Variants in SBF2 observed in about 807,000 individuals in gnomAD.
The protein encoded by SBF2 is myotubularin-related protein 13.
In SBF2, 112 loss-of-function variants were observed where a neutral mutation model predicts 225.2. The ratio of observed to expected loss-of-function variants is 0.50; its 90% CI spans 0.43 to 0.58. SBF2 has a LOEUF of 0.58. Ranked by LOEUF, SBF2 falls within the 20% of genes least tolerant of loss-of-function variation. The pLI, the probability that SBF2 is intolerant of heterozygous loss-of-function variation, is 0.00. For synonymous variants in SBF2, 763 were observed against 773.3 expected, an observed-to-expected ratio of 0.99 and a Z score of 0.22; for missense variants, 1,996 against 2,206.2, an observed-to-expected ratio of 0.90 and a Z score of 1.91.
At chr11:10,120,985 C>T (rs1953416527) in intron 2 of SBF2, among the ~76,000 whole-genome samples, 1 of 152,068 alleles carries the variant, frequency 6.6e-6, no homozygotes, top group South Asian at 2.1e-4. Flanking sequence ...AGGCTGGTCT[C>T]GAACTCCTGT....
intron 19 of SBF2, among the ~76,000 whole-genome samples, chr11:9,855,961 G>T (rs1857284709): frequency 6.6e-6 from 1 of 152,192 alleles, no homozygotes; most frequent in South Asian, 2.1e-4. Flanking sequence ...GGAAATAGGG[G>T]GTCAGAGCAG....
At chr11:10,211,866 C>A (rs1957954606) in intron 1 of SBF2, among the ~76,000 whole-genome samples, 1 of 152,192 alleles carries the variant, frequency 6.6e-6, no homozygotes, top group African/African-American at 2.4e-5. Context: ...CTGTTTCTAG[C>A]AAGTGCCTGT....
intron 1 of SBF2, among the ~76,000 whole-genome samples, chr11:10,201,805 G>A (rs1957579180): frequency 6.6e-6 from 1 of 152,148 alleles, no homozygotes; most frequent in South Asian, 2.1e-4. Flanking sequence ...AGACCAGCCT[G>A]GCCAACATGG....
At chr11:10,151,360 T>A (rs1955180227) in intron 2 of SBF2, among the ~76,000 whole-genome samples, 1 of 152,196 alleles carries the variant, frequency 6.6e-6, no homozygotes, top group African/African-American at 2.4e-5. Flanking sequence ...TAATTAGGAT[T>A]CCTTTCCTCC....
At chr11:10,164,555 G>C (rs1052346324) in intron 2 of SBF2, among the ~76,000 whole-genome samples, 7 of 152,200 alleles carry the variant, frequency 4.6e-5, no homozygotes, top group Non-Finnish European at 8.8e-5. Flanking sequence ...GTTACACTTT[G>C]GAGTGGGGCG....
In SBF2 at chr11:9,886,441, T is replaced by C. The variant is rs888030720; in HGVS notation, c.1929+9502A>G. 1.3e-5 allele frequency among the ~76,000 whole-genome samples: 2 copies of C among 152,216 alleles called. 1 individual carries two copies. Among genetic ancestry groups the C allele is most frequent in the Admixed American group, 1.3e-4 (2 of 15,286 alleles). ...TCTCTGTAGAAGCCTCTTGTATTTA[T>C]ATTTGTAGCTGGACTTATCTTTCAA... On this transcript the variant is annotated intron_variant, in intron 17 of 39. Coordinates refer to ENST00000256190, the MANE Select transcript of SBF2 (RefSeq NM_030962.4).
chr11:9,984,866 C>T (rs1947127413), intron 13 of SBF2, among the ~76,000 whole-genome samples: 1 of 152,114 alleles, frequency 6.6e-6, no homozygotes, highest in Non-Finnish European at 1.5e-5. Flanking sequence ...AGTCATTTTT[C>T]AGACAAACAA....
Position 9,853,661 on chromosome 11 carries a change from ATC to A in SBF2, c.2413_2414del (p.Asp805PhefsTer5). ...AATTGGCAATGTCAGTATTCTCTGA[ATC>A]TTCAAACCCACTCTCTGTATCATAG... Reference protein sequence around the residue: ...ESYDTESGFEDSENTDIANSV... With the variant: ...ESYDTESGFEXSENTDIANSV... On this transcript the variant is annotated frameshift_variant, in exon 20 of 40. Coordinates refer to ENST00000256190, the MANE Select transcript of SBF2 (RefSeq NM_030962.4). LOFTEE classifies it high-confidence loss of function. 1 of 1,614,014 alleles carries A rather than the reference ATC, an allele frequency of 6.2e-7. No homozygotes were observed. The highest frequency in any genetic ancestry group is 8.5e-7 in the Non-Finnish European group (1 of 1,179,930).
intron 17 of SBF2, among the ~76,000 whole-genome samples, chr11:9,860,105 C>T (rs367602667): frequency 1.3e-5 from 2 of 152,242 alleles, no homozygotes; most frequent in East Asian, 3.9e-4. Context: ...AGTGCGTAAG[C>T]AGAAGCCACA....
At chr11:9,920,943 G>C (rs1406537885) in intron 16 of SBF2, among the ~76,000 whole-genome samples, 2 of 151,724 alleles carry the variant, frequency 1.3e-5, no homozygotes, top group Non-Finnish European at 2.9e-5. Flanking sequence ...TGCATACTTT[G>C]CCCTACTTCT....
chr11:9,919,502 G>A lies in SBF2; in HGVS notation c.1861-23491C>T, dbSNP rs556739500. ...GGCTCACAACTCTAAGGGGGTGTGCGTGAGAGGGTCGTGATCGATTGAGCA... is the reference window on the plus strand; with the variant it reads ...GGCTCACAACTCTAAGGGGGTGTGCATGAGAGGGTCGTGATCGATTGAGCA... On this transcript the variant is annotated intron_variant, in intron 16 of 39. Transcript: ENST00000256190. Among the ~76,000 whole-genome samples, 3 of 152,168 alleles carry A rather than the reference G, an allele frequency of 2.0e-5. No individual in the cohort carries two copies. In the South Asian group the frequency reaches 6.2e-4, roughly 32 times the overall value.
rs1851903982 is a variant in SBF2 at position 9,779,835 on chromosome 11, C to G, written c.*583G>C. 5.6e-6 allele frequency: 1 copy of G among 177,468 alleles called. No homozygotes were observed. 11.0% of individuals were successfully genotyped at this position (177,468 alleles called of 1,614,324 possible). The stretch of plus-strand genomic sequence containing the variant: ...CCATCAGAATAATGCTGTGTGCTCC[C>G]TCTTTGCCTGCTACTGAACAATGAC... On this transcript the variant is annotated 3_prime_UTR_variant, in exon 40 of 40. Transcript: ENST00000256190.
intron 24 of SBF2, chr11:9,843,780 T>A (rs1856340526): frequency 6.6e-6 from 1 of 152,220 alleles, no homozygotes; most frequent in Non-Finnish European, 1.5e-5. Context: ...TTATTGTAAA[T>A]CACTTGTGTA....
intron 16 of SBF2, among the ~76,000 whole-genome samples, chr11:9,936,548 C>T (rs529751290): frequency 6.6e-6 from 1 of 152,268 alleles, no homozygotes; most frequent in East Asian, 1.9e-4. Flanking sequence ...GACTTGGAAC[C>T]AACCCAAATG....
intron 32 of SBF2, among the ~76,000 whole-genome samples, chr11:9,804,233 G>A (rs1294267504): frequency 2.6e-5 from 4 of 152,116 alleles, no homozygotes; most frequent in African/African-American, 7.2e-5. Flanking sequence ...TGGAAAAAAC[G>A]AAAAGCCTGC....
intron 2 of SBF2, among the ~76,000 whole-genome samples, chr11:10,181,980 G>A (rs1956754555): frequency 6.6e-6 from 1 of 152,082 alleles, no homozygotes; most frequent in Admixed American, 6.6e-5. Context: ...AGACACATAA[G>A]TACCACTAGA....
At chr11:9,998,448 C>A in intron 8 of SBF2, 69 bp from the exon 9 acceptor site, 2 of 859,298 alleles carry the variant, frequency 2.3e-6, no homozygotes, top group East Asian at 2.5e-5. Flanking sequence ...TTATTTTTCC[C>A]TTGACTAATT....
chr11:10,177,438 A>G (rs959104963), intron 2 of SBF2, among the ~76,000 whole-genome samples: 1 of 150,272 alleles, frequency 6.7e-6, no homozygotes, highest in Non-Finnish European at 1.5e-5. Context: ...TATATCTAGA[A>G]AACCCCATTG....
At chr11:10,286,006 T>A (rs376134680) in intron 1 of SBF2, among the ~76,000 whole-genome samples, 2 of 152,208 alleles carry the variant, frequency 1.3e-5, no homozygotes, top group Admixed American at 6.5e-5. Flanking sequence ...AGAGAGTAGA[T>A]CTTTTTTTTG....
Sources: allele counts gnomAD v4.1 joint callset (sites outside exome capture counted in the v4.1 genomes callset), GRCh38; gene constraint gnomAD v4.1.1; transcripts MANE v1.5; gene names NCBI Gene and HGNC (gene_info 2026-07-23, HGNC 2026-07-21).